The following TNXB variants were observed in gnomAD, a reference collection of about 807,000 sequenced individuals.
TNXB encodes the protein tenascin XB.
In TNXB, 183 loss-of-function variants were observed where a neutral mutation model predicts 340.5. The ratio of observed to expected loss-of-function variants is 0.54; its 90% CI spans 0.48 to 0.61. The LOEUF (loss-of-function observed/expected upper bound fraction) is 0.61, where lower values mean the gene tolerates loss of function less well. Ranked by LOEUF, TNXB falls within the 20% of genes least tolerant of loss-of-function variation. The probability of loss-of-function intolerance (pLI) is 0.00; values close to 1 mark genes in which losing one functional copy is unlikely to be tolerated. For missense variants in TNXB, 4,613 were observed against 5,446.4 expected, an observed-to-expected ratio of 0.85 and a Z score of 4.82; for synonymous variants, 2,121 against 2,314.5, an observed-to-expected ratio of 0.92 and a Z score of 2.40.
At position 32,050,226 on chromosome 6, in the gene TNXB, C is replaced by T. The variant is rs538635877; in HGVS notation, c.9211G>A (p.Ala3071Thr). The T allele has an allele frequency of 1.9e-6, 3 of 1,613,678 alleles. No individual in the cohort carries two copies. The highest frequency in any genetic ancestry group is 1.1e-5 in the South Asian group (1 of 91,080). The change falls in exon 27 of 44, where the codon GCC (alanine) becomes ACC (threonine). Residue 3071 changes from alanine to threonine, a missense_variant. By Grantham distance (58) the Ala-to-Thr change is moderately conservative. Transcript: ENST00000644971. ...GACAGGCTGAGGGAGTCGGGGGTGG[C>T]ATCTGTCACGGTCAGCTCCCCCAGG... ...PRLGELTVTD[A>T]TPDSLSLSWM...
rs746923471 is a variant in TNXB, at chr6:32,052,052, G to A, written c.9115+618C>T. 1.3e-5 allele frequency among the ~76,000 whole-genome samples: 2 copies of A among 152,118 alleles called. No homozygotes were observed. Among genetic ancestry groups the A allele is most frequent in the African/African-American group, 4.8e-5 (2 of 41,416 alleles). On this transcript the variant is annotated intron_variant, in intron 26 of 43. Coordinates refer to ENST00000644971, the MANE Select transcript of TNXB (RefSeq NM_001365276.2). This position sits in a 1 kb window ranked among gnomAD's most constrained non-coding sequence, Gnocchi z 4.7. ...CATGCTGGACTGCAAACTAGAAAGC[G>A]ATTAGAATGGCGAATTATGTCAAGT...
At position 32,074,104 on chromosome 6, in the gene TNXB, C is replaced by T. The variant is rs2151921731; in HGVS notation, c.4376-152G>A. The stretch of plus-strand genomic sequence containing the variant: ...CGACCTCGGCTCACTGCAGCCTCTG[C>T]CTCCCGGGTTCAAGCGATCCTCCTG... On this transcript the variant is annotated intron_variant, in intron 11 of 43. Coordinates refer to ENST00000644971, the MANE Select transcript of TNXB (RefSeq NM_001365276.2). The surrounding 1 kb of genome is among the most constrained non-coding windows in gnomAD (Gnocchi z 5.5). 1.3e-5 allele frequency among the ~76,000 whole-genome samples: 2 copies of T among 152,320 alleles called. No individual in the cohort carries two copies. The highest frequency in any genetic ancestry group is 6.8e-3 in the Middle Eastern group (2 of 294).
chr6:32,086,704 T>A (rs1779800190), intron 6 of TNXB, among the ~76,000 whole-genome samples: 1 of 151,978 alleles, frequency 6.6e-6, no homozygotes, highest in African/African-American at 2.4e-5. Flanking sequence ...AGCCAGGGGG[T>A]CTGAAAAGCC....
intron 24 of TNXB, 33 bp from the exon 25 acceptor site, chr6:32,053,744 C>T: frequency 6.3e-7 from 1 of 1,599,432 alleles, no homozygotes; most frequent in Non-Finnish European, 8.5e-7. Flanking sequence ...AGTGAGGTCC[C>T]TGGGTTCTCA....
chr6:32,096,655 C>T lies in TNXB; in HGVS notation c.1198G>A (p.Gly400Ser), dbSNP rs766056728. ...CDTGYSGDDC[G>S]VRSCPGDCNQ... ...CAGTCGCCAGGGCAGCTGCGCACGC[C>T]GCAGTCGTCCCCGCTGTAGCCCGTG... is the stretch of plus-strand genomic sequence containing the variant. Residue 400 changes from glycine to serine, a missense_variant, in exon 3 of 44, where the codon GGC becomes AGC. Gly to Ser is a moderately conservative substitution (Grantham distance 56, BLOSUM62 0). Around this residue, in one of 7 missense-constraint regions of TNXB, gnomAD observed 4,327 missense variants for 4,859.4 expected, o/e 0.89. Transcript: ENST00000644971. 6.4e-6 allele frequency: 10 copies of T among 1,553,778 alleles called. No homozygotes were observed. The highest frequency in any genetic ancestry group is 8.7e-6 in the Non-Finnish European group (10 of 1,153,254).
rs1779644145 is a variant in TNXB, at chr6:32,084,342, C to T, written c.3445+71G>A. Reference sequence around the variant, plus strand: ...GGAAGCCTTCCCGGAGCTCCCAAAGCAGGTTCCCAAAGCACTGAGAAAACC... The same window carrying T: ...GGAAGCCTTCCCGGAGCTCCCAAAGTAGGTTCCCAAAGCACTGAGAAAACC... On this transcript the variant is annotated intron_variant, in intron 8 of 43. Coordinates refer to ENST00000644971, the MANE Select transcript of TNXB (RefSeq NM_001365276.2). This position sits in a 1 kb window ranked among gnomAD's most constrained non-coding sequence, Gnocchi z 5.5. The T allele has an allele frequency of 7.0e-7, 1 of 1,438,848 alleles. No homozygotes were observed. The highest frequency in any genetic ancestry group is 1.4e-5 in the African/African-American group (1 of 70,762). The allele number at this position is 1,438,848 out of a possible 1,614,324, so 89.1% of individuals were successfully genotyped here.
chr6:32,101,937 T>C (rs557520998), intron 1 of TNXB, among the ~76,000 whole-genome samples: 2 of 152,226 alleles, frequency 1.3e-5, no homozygotes, highest in East Asian at 3.9e-4. Flanking sequence ...TTGCCCAGGC[T>C]GGCCTTGAAC....
chr6:32,083,305 G>T lies in TNXB; in HGVS notation c.3446-979C>A, dbSNP rs1779584528. ...TGTAGGCTGTCGACAGGGTTCCAGT[G>T]GCCCTGTCTCTTCCCCAACCCCACA... On this transcript the variant is annotated intron_variant, in intron 8 of 43. Coordinates refer to ENST00000644971, the MANE Select transcript of TNXB (RefSeq NM_001365276.2). This position sits in a 1 kb window ranked among gnomAD's most constrained non-coding sequence, Gnocchi z 4.6. Among the ~76,000 whole-genome samples the T allele has an allele frequency of 6.6e-6, 1 of 151,966 alleles. No homozygotes were observed.
At position 32,047,791 on chromosome 6, in the gene TNXB, G is replaced by A. The variant is rs1233461604; in HGVS notation, c.10267C>T (p.Leu3423Phe). The A allele has an allele frequency of 6.2e-7, 1 of 1,610,328 alleles. No homozygotes were observed. Residue 3423 changes from leucine (L) to phenylalanine (F), a missense_variant, in exon 30 of 44, where the codon CTC (leucine) becomes TTC (phenylalanine). Transcript: ENST00000644971. This position sits in a 1 kb window ranked among gnomAD's most constrained non-coding sequence, Gnocchi z 6.2. ...CGTTTCCTGCCTGACAGACCATAGAGCAGGAACCTGTATTTCCTACTGGGC... is the reference window on the plus strand; with the variant it reads ...CGTTTCCTGCCTGACAGACCATAGAACAGGAACCTGTATTTCCTACTGGGC... Reference protein sequence around the residue: ...LEPSRKYRFLLYGLSGRKRLG... With the variant: ...LEPSRKYRFLFYGLSGRKRLG...
At position 32,108,134 on chromosome 6, in the gene TNXB, T is replaced by C. The variant is rs1781067639; in HGVS notation, c.-9+1047A>G. 1.3e-5 allele frequency among the ~76,000 whole-genome samples: 2 copies of C among 151,926 alleles called. No homozygotes were observed. The highest frequency in any genetic ancestry group is 4.2e-4 in the South Asian group (2 of 4,812). ...GCAAAGGAAGTTTGAGGAATTGAGGTGCTGGGTCCCCAGGGACTTGAAGGC... is the reference window on the plus strand; with the variant it reads ...GCAAAGGAAGTTTGAGGAATTGAGGCGCTGGGTCCCCAGGGACTTGAAGGC... On this transcript the variant is annotated intron_variant, in intron 1 of 43. Coordinates refer to ENST00000644971, the MANE Select transcript of TNXB (RefSeq NM_001365276.2). The surrounding 1 kb of genome is among the most constrained non-coding windows in gnomAD (Gnocchi z 4.8).
Position 32,097,704 on chromosome 6 carries a change from T to A in TNXB, c.403+92A>T. On this transcript the variant is annotated intron_variant, in intron 2 of 43. Transcript: ENST00000644971. This position sits in a 1 kb window ranked among gnomAD's most constrained non-coding sequence, Gnocchi z 5.9. ...CACACCCCTCATGGTGAGGAAGGAGTGCCTTCTTCTAATTCATACCAAGGA... is the reference window on the plus strand; with the variant it reads ...CACACCCCTCATGGTGAGGAAGGAGAGCCTTCTTCTAATTCATACCAAGGA... The A allele has an allele frequency of 7.3e-7, 1 of 1,365,152 alleles. No homozygotes were observed. Among genetic ancestry groups the A allele is most frequent in the Non-Finnish European group, 9.7e-7 (1 of 1,026,944 alleles). 84.6% of individuals were successfully genotyped at this position (1,365,152 alleles called of 1,614,324 possible).
intron 4 of TNXB, among the ~76,000 whole-genome samples, chr6:32,094,295 A>G (rs1173663130): frequency 6.9e-6 from 1 of 144,138 alleles, no homozygotes; most frequent in Non-Finnish European, 1.5e-5. Context: ...TATTTAGGTG[A>G]AAAAAAAAAA....
At chr6:32,065,520 A>G (rs1346736717) in intron 18 of TNXB, among the ~76,000 whole-genome samples, 1 of 152,254 alleles carries the variant, frequency 6.6e-6, no homozygotes. Flanking sequence ...AACAACAATT[A>G]TGAGACACTC....
rs1268584996 is a variant in TNXB, at chr6:32,049,306, G to C, written c.9721C>G (p.Gln3241Glu). 6.2e-7 allele frequency: 1 copy of C among 1,612,048 alleles called. No homozygotes were observed. Among genetic ancestry groups the C allele is most frequent in the Non-Finnish European group, 8.5e-7 (1 of 1,179,710 alleles). ...KMHLYGLHEGQRVGPVSTVGI... is the reference protein window; with the variant it reads ...KMHLYGLHEGERVGPVSTVGI... ...ACGGTGGACACTGGGCCCACGCGCTGCCCCTCGTGGAGGCCGTACAGATGC... is the reference window on the plus strand; with the variant it reads ...ACGGTGGACACTGGGCCCACGCGCTCCCCCTCGTGGAGGCCGTACAGATGC... Residue 3241 changes from glutamine (Q) to glutamate (E), a missense_variant, in exon 28 of 44, where the codon CAG becomes GAG. Transcript: ENST00000644971. This position sits in a 1 kb window ranked among gnomAD's most constrained non-coding sequence, Gnocchi z 4.5.
rs1193272160 is a variant in TNXB, at chr6:32,064,122, C to T, written c.6841+699G>A. Among the ~76,000 whole-genome samples the T allele has an allele frequency of 6.6e-6, 1 of 152,182 alleles. No individual in the cohort carries two copies. The highest frequency in any genetic ancestry group is 1.5e-5 in the Non-Finnish European group (1 of 68,024). ...CATTGTGTGTGAGAGCCAAGCCACA[C>T]TCCCGCCCACCCTTCACGACAGGTA... On this transcript the variant is annotated intron_variant, in intron 19 of 43. Coordinates refer to ENST00000644971, the MANE Select transcript of TNXB (RefSeq NM_001365276.2). This position sits in a 1 kb window ranked among gnomAD's most constrained non-coding sequence, Gnocchi z 5.3.
Position 32,081,554 on chromosome 6 carries a change from C to T in TNXB, c.3856G>A (p.Gly1286Ser). The T allele has an allele frequency of 6.2e-7, 1 of 1,604,548 alleles. No individual in the cohort carries two copies. Among genetic ancestry groups the T allele is most frequent in the Non-Finnish European group, 8.5e-7 (1 of 1,175,788 alleles). Residue 1286 changes from glycine to serine, a missense_variant, in exon 10 of 44, where the codon GGC becomes AGC. Around this residue, in one of 7 missense-constraint regions of TNXB, gnomAD observed 4,327 missense variants for 4,859.4 expected, o/e 0.89. Coordinates refer to ENST00000644971, the MANE Select transcript of TNXB (RefSeq NM_001365276.2). This position sits in a 1 kb window ranked among gnomAD's most constrained non-coding sequence, Gnocchi z 5.1. The stretch of plus-strand genomic sequence containing the variant: ...TGGACCATGAATGAGTCGAAGGGGC[C>T]CTGGGCCACTGTCCATGAGAGACGC... ...SLRLSWTVAQ[G>S]PFDSFMVQYK...
chr6:32,101,588 CTTTT>C (rs58601681), intron 1 of TNXB, among the ~76,000 whole-genome samples: 18 of 126,220 alleles, frequency 1.4e-4, no homozygotes, highest in Admixed American at 5.6e-4. Context: ...CGCACCCAGC[CTTTT>C]TTTTTTTTTT....
chr6:32,048,295 T>G, intron 29 of TNXB, 68 bp downstream of exon 29: 28 of 1,443,372 alleles, frequency 1.9e-5, no homozygotes, highest in Non-Finnish European at 2.4e-5. Context: ...GCACAGAACG[T>G]GAAATTCCAA....
chr6:32,089,219 T>C lies in TNXB; in HGVS notation c.2515+4A>G. 1 of 1,594,246 alleles carries C rather than the reference T, an allele frequency of 6.3e-7. No homozygotes were observed. The highest frequency in any genetic ancestry group is 8.6e-7 in the Non-Finnish European group (1 of 1,169,076). On this transcript the variant is annotated splice_donor_region_variant and intron_variant, in intron 5 of 43. Transcript: ENST00000644971. This position sits in a 1 kb window ranked among gnomAD's most constrained non-coding sequence, Gnocchi z 6.2. Reference sequence around the variant, plus strand: ...ACACCCCTCCCCACAGCCCCAGCTCTCACTGGTGGTGATGGTCTTGGAGGC... The same window carrying C: ...ACACCCCTCCCCACAGCCCCAGCTCCCACTGGTGGTGATGGTCTTGGAGGC...
Sources: gnomAD v4.1 joint callset for allele counts (sites outside exome capture counted in the v4.1 genomes callset) on GRCh38, gnomAD v4.1.1 for gene constraint, gnomAD v4.1.1 regional missense constraint, Gnocchi (gnomAD v3.1) non-coding constraint, MANE v1.5 for transcripts, NCBI Gene and HGNC (gene_info 2026-07-23, HGNC 2026-07-21) for gene names.